Variants in GALNT17 observed in about 807,000 individuals in gnomAD.
GALNT17 encodes UDP-GalNAc:polypeptide N-acetylgalactosaminyltransferase-like 3.
In GALNT17, 29 loss-of-function variants were observed where a neutral mutation model predicts 63.7. The observed-to-expected ratio is 0.46, with a 90% CI of 0.34 to 0.62. The LOEUF is 0.62. Ranked by LOEUF, GALNT17 falls within the 20% of genes least tolerant of loss-of-function variation. GALNT17 has a pLI of 0.01. For synonymous variants in GALNT17, 305 were observed against 318.3 expected (o/e 0.96, Z 0.45); for missense variants, 603 against 799.6 (o/e 0.75, Z 2.97).
intron 1 of GALNT17, among the ~76,000 whole-genome samples, chr7:71,255,718 C>T (rs748116176): frequency 7.9e-5 from 12 of 152,130 alleles, no homozygotes; most frequent in Non-Finnish European, 1.5e-4. Flanking sequence ...GTACAGGTTG[C>T]CTGGGGCTTT....
intron 6 of GALNT17, among the ~76,000 whole-genome samples, chr7:71,572,511 A>ACAAAAC (rs561329745): frequency 2.2e-5 from 3 of 134,246 alleles, no homozygotes; most frequent in Non-Finnish European, 3.2e-5. Context: ...CATTAAAAAA[A>ACAAAAC]AAAAAAAAAA....
chr7:71,266,974 C>T lies in GALNT17; in HGVS notation c.239-68576C>T, dbSNP rs550736204. Among the ~76,000 whole-genome samples, 4 of 152,314 alleles carry T rather than the reference C, an allele frequency of 2.6e-5. No homozygotes were observed. In the South Asian group the frequency reaches 8.3e-4, roughly 32 times the overall value. On this transcript the variant is annotated intron_variant, in intron 1 of 10. Transcript: ENST00000333538. ...TGTCATTTTTTAATGGTGTCATTAA[C>T]CAGGAGAAAGTGTGCAGAGCCTCCA...
At chr7:71,461,101 A>T (rs73365673) in intron 5 of GALNT17, among the ~76,000 whole-genome samples, 8,314 of 152,216 alleles carry the variant, frequency 0.055, 771 homozygotes, top group African/African-American at 0.19. Context: ...GGGAAAGGAG[A>T]GACATAAAAC....
chr7:71,437,322 C>G (rs1347253795), intron 5 of GALNT17, among the ~76,000 whole-genome samples: 4 of 152,194 alleles, frequency 2.6e-5, no homozygotes, highest in Non-Finnish European at 5.9e-5. Context: ...TTGCTTTTTT[C>G]TATTCCTGTG....
At chr7:71,463,423 C>T (rs1787483631) in intron 5 of GALNT17, among the ~76,000 whole-genome samples, 2 of 152,110 alleles carry the variant, frequency 1.3e-5, no homozygotes, top group South Asian at 4.1e-4. Context: ...CTGATTAATG[C>T]TTATGTTACC....
intron 1 of GALNT17, among the ~76,000 whole-genome samples, chr7:71,159,322 T>C (rs923870193): frequency 2.0e-5 from 3 of 151,816 alleles, no homozygotes; most frequent in African/African-American, 7.3e-5. Context: ...CATTGTATCC[T>C]AGACTTGGAG....
At chr7:71,645,047 G>A (rs970157783) in intron 6 of GALNT17, among the ~76,000 whole-genome samples, 3 of 152,130 alleles carry the variant, frequency 2.0e-5, no homozygotes, top group South Asian at 2.1e-4. Flanking sequence ...TTTCAACCAT[G>A]GCAGGGTTGT....
intron 1 of GALNT17, among the ~76,000 whole-genome samples, chr7:71,224,686 T>C (rs1363080782): frequency 6.6e-6 from 1 of 152,172 alleles, no homozygotes; most frequent in Non-Finnish European, 1.5e-5. Flanking sequence ...GGAACTGTTC[T>C]TTCTTTGGAT....
chr7:71,338,341 T>A (rs1355959214), intron 2 of GALNT17, among the ~76,000 whole-genome samples: 4 of 143,430 alleles, frequency 2.8e-5, no homozygotes, highest in Non-Finnish European at 6.1e-5. Flanking sequence ...AAAAAATAAA[T>A]AAATAAAAAA....
intron 6 of GALNT17, among the ~76,000 whole-genome samples, chr7:71,592,538 A>AT (rs1789820394): frequency 1.8e-3 from 7 of 3,986 alleles, no homozygotes; most frequent in Non-Finnish European, 2.3e-3. Context: ...AAATAAAATA[A>AT]AATAAAATAG....
At chr7:71,483,338 C>T (rs1395446869) in intron 5 of GALNT17, among the ~76,000 whole-genome samples, 1 of 151,912 alleles carries the variant, frequency 6.6e-6, no homozygotes, top group Non-Finnish European at 1.5e-5. Context: ...GGCGTGGTGG[C>T]AGGTGCCTGT....
At chr7:71,251,081 A>G (rs1328800267) in intron 1 of GALNT17, among the ~76,000 whole-genome samples, 1 of 152,162 alleles carries the variant, frequency 6.6e-6, no homozygotes, top group African/African-American at 2.4e-5. Flanking sequence ...AGGTTTGTAC[A>G]TATGTATACA....
intron 5 of GALNT17, among the ~76,000 whole-genome samples, chr7:71,492,371 G>C (rs1457937630): frequency 6.6e-6 from 1 of 152,188 alleles, no homozygotes; most frequent in Non-Finnish European, 1.5e-5. Context: ...TGATCTCTGT[G>C]CCTGTTTTAG....
At chr7:71,628,415 T>C (rs1190704984) in intron 6 of GALNT17, among the ~76,000 whole-genome samples, 1 of 152,080 alleles carries the variant, frequency 6.6e-6, no homozygotes, top group Non-Finnish European at 1.5e-5. Context: ...CTTTGCCTCC[T>C]GGGCTCAAGC....
chr7:71,554,373 C>T (rs1453001224), intron 5 of GALNT17, among the ~76,000 whole-genome samples: 1 of 152,216 alleles, frequency 6.6e-6, no homozygotes, highest in East Asian at 1.9e-4. Context: ...TTTGTTCCTC[C>T]TTTGCCTTTC....
intron 5 of GALNT17, among the ~76,000 whole-genome samples, chr7:71,513,543 G>C (rs987078830): frequency 1.8e-4 from 27 of 151,900 alleles, no homozygotes; most frequent in African/African-American, 6.0e-4. Context: ...GCTCCACCAT[G>C]CCTGGCTAAG....
At chr7:71,253,009 T>C (rs1327408957) in intron 1 of GALNT17, among the ~76,000 whole-genome samples, 1 of 152,212 alleles carries the variant, frequency 6.6e-6, no homozygotes, top group Non-Finnish European at 1.5e-5. Context: ...CTGCATCCTC[T>C]ATGTTTATTA....
intron 8 of GALNT17, among the ~76,000 whole-genome samples, chr7:71,673,339 T>C (rs1418162005): frequency 6.6e-6 from 1 of 152,178 alleles, no homozygotes; most frequent in Admixed American, 6.5e-5. Context: ...ATTTTATAGC[T>C]GTTATAAATG....
chr7:71,512,663 T>C (rs574177458), intron 5 of GALNT17, among the ~76,000 whole-genome samples: 14 of 152,308 alleles, frequency 9.2e-5, no homozygotes, highest in African/African-American at 3.4e-4. Flanking sequence ...GGCTCTCTGG[T>C]CCACCCCCTG....
Sources: allele counts gnomAD v4.1 joint callset (sites outside exome capture counted in the v4.1 genomes callset), GRCh38; gene constraint gnomAD v4.1.1; transcripts MANE v1.5; gene names NCBI Gene and HGNC (gene_info 2026-07-23, HGNC 2026-07-21).